Variants in TOP6BL observed in about 807,000 individuals in gnomAD.
TOP6BL encodes type 2 DNA topoisomerase 6 subunit B-like.
At chr11:66,801,012 G>A in the TOP6BL span, 27 of 1,612,192 alleles carry the variant, frequency 1.7e-5, 2 homozygotes, top group East Asian at 5.6e-4. Flanking sequence ...AGATGGCTTA[G>A]CTTTGCTTTG....
the TOP6BL span, among the ~76,000 whole-genome samples, chr11:66,802,975 T>C: frequency 6.6e-6 from 1 of 152,346 alleles, no homozygotes; most frequent in Admixed American, 6.5e-5. Flanking sequence ...ATTCATTCAT[T>C]CTTAATCAGC....
the TOP6BL span, chr11:66,761,829 T>G: frequency 2.3e-6 from 2 of 862,098 alleles, no homozygotes; most frequent in African/African-American, 1.7e-5. Flanking sequence ...TCACTCAGCC[T>G]CCTCTTCTTG....
At chr11:66,756,107 A>C in the TOP6BL span, among the ~76,000 whole-genome samples, 3 of 152,220 alleles carry the variant, frequency 2.0e-5, no homozygotes, top group Admixed American at 1.3e-4. Flanking sequence ...TCCATCAGTA[A>C]TTATTGAAGG....
the TOP6BL span, among the ~76,000 whole-genome samples, chr11:66,809,799 G>A: frequency 6.6e-6 from 1 of 152,102 alleles, no homozygotes; most frequent in Non-Finnish European, 1.5e-5. Flanking sequence ...GAACTTCTGG[G>A]GTTAAGCAGT....
the TOP6BL span, among the ~76,000 whole-genome samples, chr11:66,763,966 A>G: frequency 6.6e-6 from 1 of 152,160 alleles, no homozygotes; most frequent in Non-Finnish European, 1.5e-5. Context: ...TTCTCCCTTT[A>G]GTATTAATCA....
At chr11:66,830,700 AG>A in the TOP6BL span, among the ~76,000 whole-genome samples, 1 of 152,226 alleles carries the variant, frequency 6.6e-6, no homozygotes, top group Non-Finnish European at 1.5e-5. Context: ...GAAATCAGAA[AG>A]GTAGCATCAG....
chr11:66,799,469 G>A, the TOP6BL span, among the ~76,000 whole-genome samples: 3 of 151,930 alleles, frequency 2.0e-5, no homozygotes, highest in Non-Finnish European at 4.4e-5. Context: ...ACTTTGGGAA[G>A]CCGAGGTGGG....
At chr11:66,842,793 G>A in the TOP6BL span, 7 of 1,472,216 alleles carry the variant, frequency 4.8e-6, no homozygotes, top group South Asian at 1.3e-5. Context: ...CTTGGCCAAG[G>A]GTGCTCCTAG....
At chr11:66,760,450 CAA>C in the TOP6BL span, among the ~76,000 whole-genome samples, 12 of 105,640 alleles carry the variant, frequency 1.1e-4, no homozygotes, top group Non-Finnish European at 1.2e-4. Flanking sequence ...GACTCTGTCT[CAA>C]AAAAAAAAAA....
chr11:66,773,421 T>C, the TOP6BL span, among the ~76,000 whole-genome samples: 2 of 152,126 alleles, frequency 1.3e-5, no homozygotes, highest in South Asian at 2.1e-4. Flanking sequence ...ATCTAAGTTA[T>C]TGGGTTATTG....
chr11:66,821,837 G>A, the TOP6BL span: 3 of 1,540,900 alleles, frequency 1.9e-6, no homozygotes, highest in Non-Finnish European at 2.6e-6. Flanking sequence ...GGCAGGCAGG[G>A]CCCAGGAGCC....
At chr11:66,820,514 T>C in the TOP6BL span, among the ~76,000 whole-genome samples, 1 of 152,216 alleles carries the variant, frequency 6.6e-6, no homozygotes, top group African/African-American at 2.4e-5. Context: ...CTCTCACATA[T>C]TAGCTTTTCT....
chr11:66,748,263 A>T, the TOP6BL span: 1 of 809,732 alleles, frequency 1.2e-6, no homozygotes, highest in South Asian at 2.3e-5. Context: ...TTTTAGAAGC[A>T]AGAATACAAT....
chr11:66,796,436 G>T, the TOP6BL span: 1 of 1,131,774 alleles, frequency 8.8e-7, no homozygotes, highest in East Asian at 2.5e-5. Flanking sequence ...TTACTGTGTA[G>T]GACATGGACA....
the TOP6BL span, among the ~76,000 whole-genome samples, chr11:66,816,747 G>T: frequency 6.1e-4 from 93 of 152,198 alleles, no homozygotes; most frequent in Non-Finnish European, 7.6e-4. Context: ...ATTATATTTT[G>T]TATTATTATT....
At chr11:66,776,424 G>A in the TOP6BL span, among the ~76,000 whole-genome samples, 9 of 152,270 alleles carry the variant, frequency 5.9e-5, no homozygotes, top group South Asian at 1.0e-3. Context: ...AAATAGAATA[G>A]CAGGGGTAAT....
chr11:66,802,277 T>G, the TOP6BL span, among the ~76,000 whole-genome samples: 1 of 152,058 alleles, frequency 6.6e-6, no homozygotes, highest in Non-Finnish European at 1.5e-5. Flanking sequence ...CTCAATCTCC[T>G]GAGTAGCTGG....
the TOP6BL span, among the ~76,000 whole-genome samples, chr11:66,761,353 A>G: frequency 6.6e-6 from 1 of 152,172 alleles, no homozygotes; most frequent in Non-Finnish European, 1.5e-5. Flanking sequence ...CCTGGGCGAC[A>G]GAGCGAGAGA....
chr11:66,755,974 C>T, the TOP6BL span, among the ~76,000 whole-genome samples: 59 of 152,264 alleles, frequency 3.9e-4, no homozygotes, highest in Admixed American at 1.7e-3. Flanking sequence ...CAAATAAGGT[C>T]ATATACACTG....
Sources: gnomAD v4.1 joint callset for allele counts (sites outside exome capture counted in the v4.1 genomes callset) on GRCh38, gnomAD v4.1.1 for gene constraint, MANE v1.5 for transcripts, NCBI Gene and HGNC (gene_info 2026-07-23, HGNC 2026-07-21) for gene names.